NAALADL2: variants seen among roughly 807,000 people sequenced by gnomAD.
NAALADL2 encodes N-acetylated alpha-linked acidic dipeptidase like 2, also known as inactive N-acetylated-alpha-linked acidic dipeptidase-like protein 2.
NAALADL2 carries 76 observed loss-of-function variants against 87.2 expected under a neutral mutation model. The ratio of observed to expected loss-of-function variants is 0.87; its 90% CI spans 0.72 to 1.05. The LOEUF (loss-of-function observed/expected upper bound fraction) is 1.05. NAALADL2 is among the 50% of genes least tolerant of loss of function. NAALADL2 has a pLI of 0.00. For missense variants in NAALADL2, 1,089 were observed against 945.8 expected (o/e 1.15, Z -1.99); for synonymous variants, 354 against 331.0 (o/e 1.07, Z -0.75).
chr3:174,696,032 G>A (rs1728980998), intron 2 of NAALADL2, among the ~76,000 whole-genome samples: 1 of 151,976 alleles, frequency 6.6e-6, no homozygotes, highest in Non-Finnish European at 1.5e-5. Context: ...ATGCTCCTGA[G>A]ATCTCCAGTA....
At chr3:175,386,298 A>T (rs1209352955) in intron 5 of NAALADL2, among the ~76,000 whole-genome samples, 1 of 150,840 alleles carries the variant, frequency 6.6e-6, no homozygotes, top group Non-Finnish European at 1.5e-5. Flanking sequence ...GAAGCTGTTC[A>T]TTTGTTTTGT....
chr3:175,021,435 C>T (rs554595269), intron 1 of NAALADL2, among the ~76,000 whole-genome samples: 1 of 152,064 alleles, frequency 6.6e-6, no homozygotes, highest in African/African-American at 2.4e-5. Context: ...AAAAAAGATA[C>T]AACCCAGGTC....
In NAALADL2 at chr3:174,535,322, T is replaced by C. The variant is rs981546341; in HGVS notation, c.-183-15247T>C. Among the ~76,000 whole-genome samples, 27 of 152,294 alleles carry C rather than the reference T, an allele frequency of 1.8e-4. No homozygotes were observed. In the Middle Eastern group the frequency reaches 0.01, roughly 58 times the overall value. ...GGTCAACCTGAGTTCTAGTTTTATG[T>C]AAATATAGGAATACAGTATTAGTCC... On this transcript the variant is annotated intron_variant, in intron 1 of 3. Transcript: ENST00000434257.
intron 1 of NAALADL2, among the ~76,000 whole-genome samples, chr3:174,861,189 A>C (rs958776626): frequency 7.2e-5 from 11 of 152,048 alleles, no homozygotes; most frequent in Non-Finnish European, 1.5e-4. Flanking sequence ...TAGGTCTGTA[A>C]ATATTTCAGA....
intron 2 of NAALADL2, among the ~76,000 whole-genome samples, chr3:175,148,085 G>GATGATA (rs796418262): frequency 9.1e-6 from 1 of 110,340 alleles, no homozygotes; most frequent in East Asian, 2.6e-4. Flanking sequence ...TAATAATAAT[G>GATGATA]ATAATGATAA....
intron 10 of NAALADL2, among the ~76,000 whole-genome samples, chr3:175,612,331 G>T (rs1307293464): frequency 6.6e-6 from 1 of 152,090 alleles, no homozygotes. Flanking sequence ...TTGACAAAAA[G>T]ATTTTCAAAT....
chr3:174,838,447 C>T (rs541589559), intron 3 of NAALADL2, among the ~76,000 whole-genome samples: 3 of 152,168 alleles, frequency 2.0e-5, no homozygotes, highest in South Asian at 2.1e-4. Flanking sequence ...GCAAGGATGC[C>T]GTCTCTCACC....
intron 2 of NAALADL2, among the ~76,000 whole-genome samples, chr3:175,125,450 G>GT (rs754355046): frequency 6.6e-5 from 10 of 152,012 alleles, no homozygotes; most frequent in Non-Finnish European, 1.3e-4. Flanking sequence ...AATCCAGATG[G>GT]TAGATGATGG....
intron 11 of NAALADL2, among the ~76,000 whole-genome samples, chr3:175,701,762 C>T (rs1400248346): frequency 6.6e-6 from 1 of 152,152 alleles, no homozygotes; most frequent in Non-Finnish European, 1.5e-5. Flanking sequence ...TAAGTAATAT[C>T]TCCATTTGTG....
chr3:175,709,247 C>T (rs905021980), intron 11 of NAALADL2, among the ~76,000 whole-genome samples: 11 of 152,016 alleles, frequency 7.2e-5, no homozygotes, highest in Non-Finnish European at 1.6e-4. Context: ...ATTATTCTGC[C>T]TTCAGTTTGA....
intron 2 of NAALADL2, among the ~76,000 whole-genome samples, chr3:174,572,318 A>G (rs544417845): frequency 6.6e-6 from 1 of 152,268 alleles, no homozygotes; most frequent in African/African-American, 2.4e-5. Flanking sequence ...TGGAGGTTGA[A>G]AAAAAATTGA....
chr3:175,213,434 C>A (rs534819487), intron 2 of NAALADL2, among the ~76,000 whole-genome samples: 2 of 152,210 alleles, frequency 1.3e-5, no homozygotes, highest in African/African-American at 4.8e-5. Context: ...CATGTAGGAA[C>A]TAGTGCTATC....
At chr3:174,784,768 A>C (rs1351909631) in intron 3 of NAALADL2, among the ~76,000 whole-genome samples, 1 of 152,232 alleles carries the variant, frequency 6.6e-6, no homozygotes, top group African/African-American at 2.4e-5. Context: ...CAACTGGTGA[A>C]TAATCCTTTA....
intron 2 of NAALADL2, among the ~76,000 whole-genome samples, chr3:175,227,155 G>T (rs62285896): frequency 0.17 from 26,192 of 151,796 alleles, 2,461 homozygotes; most frequent in Admixed American, 0.25. Context: ...AGATGTTTTT[G>T]TTCCCCATTC....
chr3:174,791,155 T>G (rs535853105), intron 3 of NAALADL2, among the ~76,000 whole-genome samples: 91 of 152,330 alleles, frequency 6.0e-4, no homozygotes, highest in African/African-American at 2.1e-3. Context: ...TGAATTATTT[T>G]TATTAAAACT....
At chr3:174,790,514 G>T (rs1212209551) in intron 3 of NAALADL2, among the ~76,000 whole-genome samples, 2 of 151,928 alleles carry the variant, frequency 1.3e-5, no homozygotes, top group African/African-American at 4.8e-5. Context: ...TGGGTGTGGT[G>T]GTGCATGCCT....
chr3:175,549,736 C>T (rs1315560557), intron 9 of NAALADL2, among the ~76,000 whole-genome samples: 2 of 151,998 alleles, frequency 1.3e-5, no homozygotes, highest in Non-Finnish European at 2.9e-5. Context: ...AATACAAAGG[C>T]GGACTGCAAA....
chr3:175,046,874 A>G (rs939084394), intron 1 of NAALADL2, among the ~76,000 whole-genome samples: 2 of 152,170 alleles, frequency 1.3e-5, no homozygotes, highest in African/African-American at 4.8e-5. Context: ...TGTTTAGGCT[A>G]TTACACAATA....
intron 3 of NAALADL2, among the ~76,000 whole-genome samples, chr3:174,785,789 CTAAG>C (rs1716570351): frequency 6.6e-6 from 1 of 152,120 alleles, no homozygotes; most frequent in African/African-American, 2.4e-5. Flanking sequence ...GAAATTGAAA[CTAAG>C]TGTTTATGAT....
Sources: allele counts gnomAD v4.1 joint callset (sites outside exome capture counted in the v4.1 genomes callset), GRCh38; gene constraint gnomAD v4.1.1; transcripts MANE v1.5; gene names NCBI Gene and HGNC (gene_info 2026-07-23, HGNC 2026-07-21).